Variants in SLC12A2 observed in about 807,000 individuals in gnomAD.
The protein encoded by SLC12A2 is Na-K-2Cl cotransporter 1.
A neutral mutation model predicts 136.3 loss-of-function variants in SLC12A2; 67 were observed. The observed-to-expected ratio is 0.49, with a 90% CI of 0.40 to 0.60. The LOEUF (loss-of-function observed/expected upper bound fraction) is 0.60, where lower values mean the gene tolerates loss of function less well. Among genes scored for constraint, SLC12A2 ranks in the 20% least tolerant of loss-of-function variants. SLC12A2 has a pLI of 0.00. For missense variants in SLC12A2, 1,322 were observed against 1,534.7 expected (o/e 0.86, Z 2.32); for synonymous variants, 619 against 562.9 (o/e 1.10, Z -1.41).
chr5:128,138,621 G>T lies in SLC12A2; in HGVS notation c.1433G>T (p.Gly478Val). 5.0e-6 allele frequency: 8 copies of T among 1,610,548 alleles called. No individual in the cohort carries two copies. The highest frequency in any genetic ancestry group is 5.9e-6 in the Non-Finnish European group (7 of 1,179,116). Residue 478 changes from glycine (G) to valine (V), a missense_variant, in exon 8 of 27, where the codon GGG becomes GTG. By Grantham distance (109) the Gly-to-Val change is moderately radical. Coordinates refer to ENST00000262461, the MANE Select transcript of SLC12A2 (RefSeq NM_001046.3). ...GCTGAAATATTTAATGAGAACTTTG[G>T]GCCCGATTTTCGAGAGGAAGAGACT... The part of the protein sequence containing the change: ...YKSEIFNENF[G>V]PDFREEETFF...
intron 22 of SLC12A2, among the ~76,000 whole-genome samples, chr5:128,179,948 CTTTTTTTTTTTTTTTTTTTTTTTTTTT>C (rs70997365): frequency 0.02 from 1,023 of 50,486 alleles, 25 homozygotes; most frequent in Middle Eastern, 0.061. Flanking sequence ...CCAATCGTTC[CTTTTTTTTTTTTTTTTTTTTTTTTTTT>C]TTTTTTTTTT....
chr5:128,126,056 G>T (rs1428523680), intron 4 of SLC12A2, among the ~76,000 whole-genome samples: 1 of 152,120 alleles, frequency 6.6e-6, no homozygotes, highest in African/African-American at 2.4e-5. Flanking sequence ...TGATTGCTTA[G>T]CTTCACAGTA....
intron 1 of SLC12A2, among the ~76,000 whole-genome samples, chr5:128,104,654 T>TAG (rs1436968006): frequency 1.1e-4 from 15 of 135,956 alleles, no homozygotes; most frequent in African/African-American, 4.6e-4. Flanking sequence ...AAAAAATATA[T>TAG]ATATATAGAT....
At chr5:128,178,091 A>C (rs907192694) in intron 21 of SLC12A2, among the ~76,000 whole-genome samples, 85 of 151,912 alleles carry the variant, frequency 5.6e-4, no homozygotes, top group Non-Finnish European at 8.8e-5. Flanking sequence ...TATGTCTTCA[A>C]CTCCCATCTT....
chr5:128,182,958 A>G lies in SLC12A2; in HGVS notation c.3299+17A>G. 6.6e-7 allele frequency: 1 copy of G among 1,520,572 alleles called. No homozygotes were observed. Among genetic ancestry groups the G allele is most frequent in the Non-Finnish European group, 9.1e-7 (1 of 1,101,012 alleles). 94.2% of individuals were successfully genotyped at this position (1,520,572 alleles called of 1,614,324 possible). ...GAAAGAAAAGTAAGTTACTCTACAA[A>G]TTTCTGATCCCTTTATAGATGGCCT... is the stretch of plus-strand genomic sequence containing the variant. On this transcript the variant is annotated intron_variant, in intron 24 of 26. Transcript: ENST00000262461.
Position 128,138,858 on chromosome 5 carries a change from T to A in SLC12A2, c.1571T>A (p.Leu524Gln). ...PQSAIPKGTL[L>Q]AILITTLVYV... The stretch of plus-strand genomic sequence containing the variant: ...TCAGCCATACCCAAAGGAACACTCC[T>A]AGCCATTTTAATTACTACATTGGTT... Residue 524 changes from leucine (L) to glutamine (Q), a missense_variant, in exon 9 of 27, where the codon CTA (leucine) becomes CAA (glutamine). Around this residue, in one of 8 missense-constraint regions of SLC12A2, gnomAD observed 294 missense variants for 436.6 expected, o/e 0.67. Transcript: ENST00000262461. 1.2e-6 allele frequency: 2 copies of A among 1,613,488 alleles called. No individual in the cohort carries two copies. The highest frequency in any genetic ancestry group is 1.7e-6 in the Non-Finnish European group (2 of 1,179,586).
chr5:128,159,950 G>A (rs1334226082), intron 16 of SLC12A2, among the ~76,000 whole-genome samples: 1 of 152,174 alleles, frequency 6.6e-6, no homozygotes, highest in Non-Finnish European at 1.5e-5. Flanking sequence ...TATGTTTATT[G>A]TGGCACTGTT....
At chr5:128,120,616 A>G (rs1233462762) in intron 4 of SLC12A2, among the ~76,000 whole-genome samples, 1 of 151,380 alleles carries the variant, frequency 6.6e-6, no homozygotes, top group Non-Finnish European at 1.5e-5. Flanking sequence ...AGGACAAAAA[A>G]CCAAACACTG....
rs1311722476 is a variant in SLC12A2 at position 128,184,296 on chromosome 5, A to G, written c.3300-70A>G. 5 of 1,000,946 alleles carry G rather than the reference A, an allele frequency of 5.0e-6. No homozygotes were observed. The African/African-American group carries it at 8.4e-5, about 17-fold the overall frequency. 62.0% of individuals were successfully genotyped at this position (1,000,946 alleles called of 1,614,324 possible). A position where few individuals can be genotyped will look rare whatever the true frequency, so the allele number is the denominator to read the frequency against. On this transcript the variant is annotated intron_variant, in intron 24 of 26. Coordinates refer to ENST00000262461, the MANE Select transcript of SLC12A2 (RefSeq NM_001046.3). Reference sequence around the variant, plus strand: ...CACTAACTTTGCAAGTTACAATTTAATATTTAAGATCTTCCTGTTATGTAA... The same window carrying G: ...CACTAACTTTGCAAGTTACAATTTAGTATTTAAGATCTTCCTGTTATGTAA...
chr5:128,157,069 G>A (rs1378976504), intron 15 of SLC12A2, among the ~76,000 whole-genome samples: 1 of 152,144 alleles, frequency 6.6e-6, no homozygotes, highest in Non-Finnish European at 1.5e-5. Context: ...AAAATTCTAA[G>A]TAAGATGGTA....
intron 1 of SLC12A2, among the ~76,000 whole-genome samples, chr5:128,106,705 C>G (rs1449753397): frequency 6.6e-6 from 1 of 152,072 alleles, no homozygotes; most frequent in Non-Finnish European, 1.5e-5. Context: ...GTTCTTACAA[C>G]ATAGTTGTAT....
chr5:128,114,353 T>C, intron 3 of SLC12A2, 66 bp downstream of exon 3: 2 of 1,200,248 alleles, frequency 1.7e-6, no homozygotes, highest in Non-Finnish European at 2.4e-6. Flanking sequence ...GCTCTTAACC[T>C]CATGAAACTC....
intron 25 of SLC12A2, 34 bp from the exon 26 acceptor site, chr5:128,184,755 A>T: frequency 6.2e-7 from 1 of 1,609,988 alleles, no homozygotes; most frequent in Non-Finnish European, 8.5e-7. Flanking sequence ...TTATTTCCAC[A>T]TGGTCTAGGA....
rs537290501 is a variant in SLC12A2 at position 128,171,264 on chromosome 5, G to A, written c.2724-403G>A. On this transcript the variant is annotated intron_variant, in intron 18 of 26. Coordinates refer to ENST00000262461, the MANE Select transcript of SLC12A2 (RefSeq NM_001046.3). ...CATATCCTGCAACCTGCTATCATTC[G>A]CAGTAGCATCAAGGTTTTTGTGTGT... Among the ~76,000 whole-genome samples the A allele has an allele frequency of 3.3e-5, 5 of 152,048 alleles. No homozygotes were observed. In the South Asian group the frequency reaches 6.2e-4, roughly 19 times the overall value.
intron 4 of SLC12A2, among the ~76,000 whole-genome samples, chr5:128,120,891 T>A (rs1055212354): frequency 6.6e-6 from 1 of 152,062 alleles, no homozygotes; most frequent in Non-Finnish European, 1.5e-5. Flanking sequence ...TAAAAATTAA[T>A]GTTAACTAAT....
At chr5:128,124,459 C>T (rs1408289749) in intron 4 of SLC12A2, among the ~76,000 whole-genome samples, 2 of 152,168 alleles carry the variant, frequency 1.3e-5, no homozygotes, top group Non-Finnish European at 2.9e-5. Flanking sequence ...CAGCCCCTTC[C>T]TCAGGTTTGA....
intron 18 of SLC12A2, among the ~76,000 whole-genome samples, chr5:128,171,458 G>C (rs1370455616): frequency 6.6e-6 from 1 of 152,112 alleles, no homozygotes; most frequent in East Asian, 1.9e-4. Flanking sequence ...CTAAAAAGTA[G>C]TTTTCAAGGG....
chr5:128,159,023 GT>G (rs897920614), intron 16 of SLC12A2, among the ~76,000 whole-genome samples: 1 of 149,418 alleles, frequency 6.7e-6, no homozygotes, highest in Non-Finnish European at 1.5e-5. Context: ...TCAGGTAGTT[GT>G]TTTTTTCAAA....
Position 128,164,842 on chromosome 5 carries a change from G to GTTT in SLC12A2, c.2617-2917_2617-2915dup, listed in dbSNP as rs1322595525. Among the ~76,000 whole-genome samples, 102 of 138,312 alleles carry GTTT rather than the reference G, an allele frequency of 7.4e-4. 1 individual carries two copies. The highest frequency in any genetic ancestry group is 2.8e-3 in the African/African-American group (101 of 36,364). The allele number at this position is 138,312 out of a possible 152,430, so 90.7% of individuals were successfully genotyped here. A position where few individuals can be genotyped will look rare whatever the true frequency, so the allele number is the denominator to read the frequency against. ...AGTATCTAGCTTCCACAACAAAACT[G>GTTT]TTTTGTTTTTTTTTTTTTTTTTGGA... On this transcript the variant is annotated intron_variant, in intron 17 of 26. Transcript: ENST00000262461.
Sources: gnomAD v4.1 joint callset for allele counts (sites outside exome capture counted in the v4.1 genomes callset) on GRCh38, gnomAD v4.1.1 for gene constraint, gnomAD v4.1.1 regional missense constraint, MANE v1.5 for transcripts, NCBI Gene and HGNC (gene_info 2026-07-23, HGNC 2026-07-21) for gene names.